GPR149: variants seen among roughly 807,000 people sequenced by gnomAD.
GPR149 encodes G protein-coupled receptor 149.
A neutral mutation model predicts 50.2 loss-of-function variants in GPR149; 50 were observed. That is an observed-to-expected ratio of 1.00 (90% CI 0.79 to 1.26). GPR149 has a LOEUF of 1.26. Ranked by LOEUF, GPR149 falls within the 50% of genes most tolerant of loss-of-function variation. The pLI is 0.00. For missense variants in GPR149, 983 were observed against 895.4 expected (o/e 1.10, Z -1.25); for synonymous variants, 405 against 358.2 (o/e 1.13, Z -1.48).
Position 154,421,315 on chromosome 3 carries a change from G to A in GPR149, c.1347C>T (p.Phe449=), listed in dbSNP as rs746175155. The change falls in exon 3 of 4, where the codon TTC becomes TTT. Residue 449 remains phenylalanine (F), a synonymous_variant. Coordinates refer to ENST00000389740, the MANE Select transcript of GPR149 (RefSeq NM_001038705.3). Reference sequence around the variant, plus strand: ...TGCTGATTTCTACTTTTATAGCATTGAAGATGTTACGGTTGTCTCTCTGAG... The same window carrying A: ...TGCTGATTTCTACTTTTATAGCATTAAAGATGTTACGGTTGTCTCTCTGAG... The part of the protein sequence containing the change: ...KDPQRDNRNI[F]NAIKVEISTT... 3 of 1,613,400 alleles carry A rather than the reference G, an allele frequency of 1.9e-6. No homozygotes were observed. Among genetic ancestry groups the A allele is most frequent in the Non-Finnish European group, 2.5e-6 (3 of 1,179,546 alleles).
intron 3 of GPR149, among the ~76,000 whole-genome samples, chr3:154,377,348 AATTATTATTATTATTATTATT>A (rs59932456): frequency 1.4e-5 from 2 of 139,252 alleles, no homozygotes; most frequent in African/African-American, 5.4e-5. Context: ...TCTGCTCTGT[AATTATTATTATTATTATTATT>A]ATTATTATTA....
intron 3 of GPR149, among the ~76,000 whole-genome samples, chr3:154,404,705 G>T (rs1711635786): frequency 6.6e-6 from 1 of 152,182 alleles, no homozygotes; most frequent in South Asian, 2.1e-4. Context: ...ATAGACCTTA[G>T]GCTTAACTTC....
chr3:154,421,201 G>A lies in GPR149; in HGVS notation c.1461C>T (p.Asn487=), dbSNP rs1712132857. 1.9e-6 allele frequency: 3 copies of A among 1,613,364 alleles called. No individual in the cohort carries two copies. The highest frequency in any genetic ancestry group is 1.7e-5 in the Admixed American group (1 of 59,912). The change falls in exon 3 of 4, where the codon AAC becomes AAT. Residue 487 remains asparagine, a synonymous_variant. Transcript: ENST00000389740. The part of the protein sequence containing the change: ...DITEAKQDSN[N]KKDAFSDKTG... ...TTTTGTCAGAAAACGCATCCTTTTT[G>A]TTGTTGGAATCCTGTTTAGCTTCTG...
At chr3:154,381,043 G>C (rs954814080) in intron 3 of GPR149, among the ~76,000 whole-genome samples, 3 of 152,120 alleles carry the variant, frequency 2.0e-5, no homozygotes, top group Non-Finnish European at 4.4e-5. Flanking sequence ...AACTTAATTA[G>C]TCTATATGAA....
intron 3 of GPR149, among the ~76,000 whole-genome samples, chr3:154,387,982 G>A (rs910732786): frequency 6.6e-6 from 1 of 151,958 alleles, no homozygotes; most frequent in Non-Finnish European, 1.5e-5. Flanking sequence ...AATGTGTGGG[G>A]ACATTGATTT....
At position 154,337,782 on chromosome 3, in the gene GPR149, G is replaced by C; in HGVS notation, c.2113C>G (p.Gln705Glu). ...TCCTCCTGGTAGCCATCCCTCTCTT[G>C]ATGCTGCCTTTTACTGTTCTGCCTG... ...AHRQNSKRQH[Q>E]ERDGYQEEIQ... Residue 705 changes from glutamine (Q) to glutamate (E), a missense_variant, in exon 4 of 4, where the codon CAA becomes GAA. By Grantham distance (29) the Gln-to-Glu change is conservative. Coordinates refer to ENST00000389740, the MANE Select transcript of GPR149 (RefSeq NM_001038705.3). 1 of 1,613,606 alleles carries C rather than the reference G, an allele frequency of 6.2e-7. No individual in the cohort carries two copies. The highest frequency in any genetic ancestry group is 8.5e-7 in the Non-Finnish European group (1 of 1,179,794).
intron 2 of GPR149, among the ~76,000 whole-genome samples, chr3:154,423,422 C>A (rs538460854): frequency 8.2e-4 from 125 of 151,846 alleles, no homozygotes; most frequent in African/African-American, 2.8e-3. Flanking sequence ...GCTAATCAGA[C>A]CCATGAAAGA....
intron 3 of GPR149, among the ~76,000 whole-genome samples, chr3:154,374,906 C>T (rs945863377): frequency 2.6e-5 from 4 of 152,252 alleles, no homozygotes; most frequent in Middle Eastern, 3.4e-3. Flanking sequence ...GTTACTTAGC[C>T]TTGTTTCCTC....
intron 3 of GPR149, chr3:154,353,122 T>G: frequency 6.7e-7 from 1 of 1,493,382 alleles, no homozygotes; most frequent in South Asian, 1.1e-5. Flanking sequence ...TTCATGGCCA[T>G]TTCAGTTACA....
intron 3 of GPR149, chr3:154,353,265 T>C (rs1298101311): frequency 6.9e-7 from 1 of 1,446,942 alleles, no homozygotes; most frequent in Admixed American, 1.7e-5. Context: ...AGTTGCAGCC[T>C]TTTGAGTCAT....
chr3:154,353,344 G>A (rs190183600), intron 3 of GPR149: 1 of 1,426,714 alleles, frequency 7.0e-7, no homozygotes, highest in Non-Finnish European at 9.9e-7. Flanking sequence ...TATACCCACT[G>A]TGGGCAAGTT....
intron 3 of GPR149, among the ~76,000 whole-genome samples, chr3:154,419,057 C>T (rs1013418950): frequency 6.6e-6 from 1 of 151,770 alleles, no homozygotes; most frequent in African/African-American, 2.4e-5. Context: ...TTTACCTTTC[C>T]AGAATATTGT....
chr3:154,360,038 C>G (rs1714343228), intron 3 of GPR149, among the ~76,000 whole-genome samples: 1 of 151,950 alleles, frequency 6.6e-6, no homozygotes, highest in African/African-American at 2.4e-5. Context: ...GTGCTGGCCA[C>G]CAAACAGAAA....
intron 3 of GPR149, among the ~76,000 whole-genome samples, chr3:154,343,676 G>A (rs1036023784): frequency 2.0e-5 from 3 of 152,142 alleles, no homozygotes; most frequent in Non-Finnish European, 4.4e-5. Flanking sequence ...CATTTGAAAA[G>A]GGTGGAGAGG....
rs757739458 is a variant in GPR149, at chr3:154,427,721, G to A, written c.982-13C>T. 10 of 1,604,474 alleles carry A rather than the reference G, an allele frequency of 6.2e-6. No homozygotes were observed. The African/African-American group carries it at 1.3e-4, about 22-fold the overall frequency. On this transcript the variant is annotated splice_polypyrimidine_tract_variant and intron_variant, in intron 1 of 3. Transcript: ENST00000389740. The stretch of plus-strand genomic sequence containing the variant: ...CCACCATGTGCATCTGCAAGGGCAA[G>A]AGAACTTCAGACCTAACCTAAAATT...
intron 2 of GPR149, among the ~76,000 whole-genome samples, chr3:154,423,302 C>T (rs1020876325): frequency 6.6e-6 from 1 of 151,718 alleles, no homozygotes; most frequent in East Asian, 1.9e-4. Flanking sequence ...CTGGAGAAAA[C>T]GGGGGGTGAC....
chr3:154,338,361 G>C, intron 3 of GPR149, 90 bp from the exon 4 acceptor site: 1 of 1,056,490 alleles, frequency 9.5e-7, no homozygotes, highest in East Asian at 2.4e-5. Context: ...GAATGATAAA[G>C]GTTTTCTATT....
chr3:154,343,879 T>A (rs1713860539), intron 3 of GPR149, among the ~76,000 whole-genome samples: 3 of 151,934 alleles, frequency 2.0e-5, no homozygotes, highest in Non-Finnish European at 4.4e-5. Flanking sequence ...CTGCGGAGGC[T>A]GAGGTGGGAG....
chr3:154,408,645 C>A (rs1408938057), intron 3 of GPR149, among the ~76,000 whole-genome samples: 1 of 152,178 alleles, frequency 6.6e-6, no homozygotes, highest in African/African-American at 2.4e-5. Flanking sequence ...GGACAGGGAA[C>A]CACACCCCCA....
Sources: allele counts gnomAD v4.1 joint callset (sites outside exome capture counted in the v4.1 genomes callset), GRCh38; gene constraint gnomAD v4.1.1; transcripts MANE v1.5; gene names NCBI Gene and HGNC (gene_info 2026-07-23, HGNC 2026-07-21).